MROH9: variants seen among roughly 807,000 people sequenced by gnomAD.
The protein encoded by MROH9 is maestro heat-like repeat-containing protein family member 9.
In MROH9, 92 loss-of-function variants were observed where a neutral mutation model predicts 98.2. That is an observed-to-expected ratio of 0.94 (90% CI 0.79 to 1.11). The LOEUF (loss-of-function observed/expected upper bound fraction) is 1.11. Ranked by LOEUF, MROH9 falls within the 50% of genes most tolerant of loss-of-function variation. The probability of loss-of-function intolerance (pLI) is 0.00; values close to 1 mark genes in which losing one functional copy is unlikely to be tolerated. For synonymous variants in MROH9, 397 were observed against 368.9 expected (o/e 1.08, Z -0.87); for missense variants, 1,057 against 1,014.8 (o/e 1.04, Z -0.57).
intron 11 of MROH9, among the ~76,000 whole-genome samples, chr1:170,991,342 T>C (rs1182297220): frequency 1.3e-5 from 2 of 152,068 alleles, no homozygotes; most frequent in African/African-American, 4.8e-5. Flanking sequence ...TGAGAGTTGA[T>C]GTCCATGTGA....
Position 171,024,646 on chromosome 1 carries a change from C to A in MROH9, c.2062-3C>A. Reference sequence around the variant, plus strand: ...TCTTCACCGGCCTTTTTCTGTCTCACAGGCATGTAAATATACATTAAAAAT... The same window carrying A: ...TCTTCACCGGCCTTTTTCTGTCTCAAAGGCATGTAAATATACATTAAAAAT... On this transcript the variant is annotated splice_polypyrimidine_tract_variant and splice_region_variant and intron_variant, in intron 18 of 21. Transcript: ENST00000367759. 6.5e-7 allele frequency: 1 copy of A among 1,544,558 alleles called. No individual in the cohort carries two copies. The highest frequency in any genetic ancestry group is 8.8e-7 in the Non-Finnish European group (1 of 1,141,794).
intron 20 of MROH9, among the ~76,000 whole-genome samples, chr1:171,042,691 G>T (rs55820098): frequency 0.026 from 3,974 of 152,204 alleles, 162 homozygotes; most frequent in African/African-American, 0.089. Context: ...TATCCGGGGT[G>T]ACAGGATGTC....
chr1:170,945,976 A>G (rs1267864565), intron 2 of MROH9, among the ~76,000 whole-genome samples: 1 of 152,120 alleles, frequency 6.6e-6, no homozygotes, highest in Non-Finnish European at 1.5e-5. Flanking sequence ...CCTATAGTAT[A>G]CAGCCAAAGG....
intron 11 of MROH9, 82 bp from the exon 12 acceptor site, chr1:170,992,082 T>C: frequency 7.2e-7 from 1 of 1,397,418 alleles, no homozygotes; most frequent in African/African-American, 1.5e-5. Context: ...AAACCAAGAC[T>C]ATTTTCCTGA....
chr1:171,057,041 A>G (rs2101874065), intron 20 of MROH9, among the ~76,000 whole-genome samples: 1 of 152,328 alleles, frequency 6.6e-6, no homozygotes, highest in East Asian at 1.9e-4. Context: ...TGAAAACCCA[A>G]AAATCCAGAG....
At chr1:170,985,276 T>C (rs766075573) in intron 9 of MROH9, among the ~76,000 whole-genome samples, 3 of 152,136 alleles carry the variant, frequency 2.0e-5, no homozygotes, top group Non-Finnish European at 4.4e-5. Flanking sequence ...ATGCCAAACA[T>C]AGAGGAATAA....
At chr1:171,049,122 A>G (rs72712611) in intron 20 of MROH9, among the ~76,000 whole-genome samples, 33,808 of 151,988 alleles carry the variant, frequency 0.22, 6,044 homozygotes, top group African/African-American at 0.5. Context: ...TTAGGGGAGG[A>G]CTGATGCCAG....
chr1:171,031,517 T>TAACAA (rs1652912908), intron 20 of MROH9, among the ~76,000 whole-genome samples: 1 of 152,218 alleles, frequency 6.6e-6, no homozygotes, highest in African/African-American at 2.4e-5. Flanking sequence ...GAAATGATTT[T>TAACAA]ATTTCTCCTT....
At chr1:171,022,438 G>T (rs1456613410) in intron 17 of MROH9, among the ~76,000 whole-genome samples, 3 of 152,134 alleles carry the variant, frequency 2.0e-5, no homozygotes, top group Non-Finnish European at 1.5e-5. Context: ...TGAAGATTAT[G>T]TGCTTTGCAG....
At chr1:171,009,143 G>A (rs1024097935) in intron 15 of MROH9, among the ~76,000 whole-genome samples, 3 of 151,870 alleles carry the variant, frequency 2.0e-5, no homozygotes, top group Non-Finnish European at 4.4e-5. Context: ...GGGAGTAATA[G>A]GGTAGAATGG....
chr1:170,965,474 T>G (rs1273599922), intron 7 of MROH9, among the ~76,000 whole-genome samples: 1 of 152,126 alleles, frequency 6.6e-6, no homozygotes, highest in Non-Finnish European at 1.5e-5. Flanking sequence ...TCATGCTTTA[T>G]GCAAAGAGCA....
At chr1:170,982,723 C>A (rs9426921) in intron 8 of MROH9, among the ~76,000 whole-genome samples, 12,527 of 151,992 alleles carry the variant, frequency 0.082, 640 homozygotes, top group Non-Finnish European at 0.11. Flanking sequence ...GACCCTATCT[C>A]TACGAAATAT....
At chr1:170,968,418 AG>A (rs1316730325) in intron 7 of MROH9, among the ~76,000 whole-genome samples, 3 of 152,144 alleles carry the variant, frequency 2.0e-5, no homozygotes, top group Non-Finnish European at 4.4e-5. Flanking sequence ...CCTCCCTCCC[AG>A]TTGCTCTAAA....
intron 20 of MROH9, 30 bp from the exon 21 acceptor site, chr1:171,062,102 C>T (rs1330212732): frequency 1.4e-6 from 2 of 1,383,556 alleles, no homozygotes; most frequent in Non-Finnish European, 2.0e-6. Flanking sequence ...ATGCATGTTG[C>T]AGTAACTTTA....
intron 20 of MROH9, among the ~76,000 whole-genome samples, chr1:171,040,337 TTACA>T (rs1418405119): frequency 1.3e-5 from 2 of 152,184 alleles, no homozygotes; most frequent in East Asian, 3.9e-4. Flanking sequence ...TATTACATAC[TTACA>T]TACCATACAT....
chr1:170,962,585 T>TTG (rs1178403915), intron 6 of MROH9, among the ~76,000 whole-genome samples: 2 of 152,146 alleles, frequency 1.3e-5, no homozygotes, highest in African/African-American at 2.4e-5. Flanking sequence ...GAAAAATAGA[T>TTG]GGATTTATCC....
chr1:171,008,598 T>C (rs1440609448), intron 15 of MROH9, among the ~76,000 whole-genome samples: 1 of 152,252 alleles, frequency 6.6e-6, no homozygotes. Context: ...TTTAATACTA[T>C]GTTGCCATAA....
chr1:170,971,128 G>C (rs1360518711), intron 7 of MROH9, among the ~76,000 whole-genome samples: 1 of 152,156 alleles, frequency 6.6e-6, no homozygotes, highest in African/African-American at 2.4e-5. Context: ...TCTAGCCAGA[G>C]AGGTCCATTA....
intron 8 of MROH9, among the ~76,000 whole-genome samples, chr1:170,981,292 T>C (rs1650919833): frequency 6.6e-6 from 1 of 152,198 alleles, no homozygotes; most frequent in African/African-American, 2.4e-5. Context: ...ATCATTCTAC[T>C]ATAAAGACAT....
Sources: allele counts gnomAD v4.1 joint callset (sites outside exome capture counted in the v4.1 genomes callset), GRCh38; gene constraint gnomAD v4.1.1; transcripts MANE v1.5; gene names NCBI Gene and HGNC (gene_info 2026-07-23, HGNC 2026-07-21).